RALGAPA2: variants seen among roughly 807,000 people sequenced by gnomAD.
RALGAPA2 encodes the protein Ral GTPase activating protein catalytic subunit alpha 2, also known as ral GTPase-activating protein subunit alpha-2.
A neutral mutation model predicts 230.4 loss-of-function variants in RALGAPA2; 139 were observed. The observed-to-expected ratio is 0.60, with a 90% confidence interval of 0.53 to 0.69. RALGAPA2 has a LOEUF of 0.69. RALGAPA2 is among the 30% of genes least tolerant of loss of function. The pLI is 0.00. For synonymous variants in RALGAPA2, 847 were observed against 837.8 expected (o/e 1.01, Z -0.19); for missense variants, 2,163 against 2,276.0 (o/e 0.95, Z 1.01).
At chr20:20,416,745 A>G (rs1420210426) in intron 37 of RALGAPA2, among the ~76,000 whole-genome samples, 3 of 152,222 alleles carry the variant, frequency 2.0e-5, no homozygotes, top group African/African-American at 7.2e-5. Flanking sequence ...ACTGTTGTTT[A>G]GCACTATCAA....
intron 3 of RALGAPA2, among the ~76,000 whole-genome samples, chr20:20,674,910 A>C (rs1167550627): frequency 2.6e-5 from 4 of 152,196 alleles, no homozygotes; most frequent in Admixed American, 6.5e-5. Context: ...GTGGAAGAGC[A>C]CCTAAGTAGC....
At chr20:20,692,722 A>C (rs1350482933) in intron 1 of RALGAPA2, among the ~76,000 whole-genome samples, 2 of 152,172 alleles carry the variant, frequency 1.3e-5, no homozygotes, top group African/African-American at 4.8e-5. Flanking sequence ...TTTGGATATC[A>C]TTCTATCTGG....
In RALGAPA2 at chr20:20,390,041, G is replaced by A. The variant is rs1364080802; in HGVS notation, c.*3248C>T. The A allele has an allele frequency of 6.6e-6, 1 of 152,158 alleles. No homozygotes were observed. Among genetic ancestry groups the A allele is most frequent in the Non-Finnish European group, 1.5e-5 (1 of 68,036 alleles). 9.4% of individuals were successfully genotyped at this position (152,158 alleles called of 1,614,324 possible). On this transcript the variant is annotated 3_prime_UTR_variant, in exon 40 of 40. Coordinates refer to ENST00000202677, the MANE Select transcript of RALGAPA2 (RefSeq NM_020343.4). Reference sequence around the variant, plus strand: ...TCATGTTGAATTTCCCTCGGATGCAGACGCTGCCCTTCAGTAGATATAAAG... The same window carrying A: ...TCATGTTGAATTTCCCTCGGATGCAAACGCTGCCCTTCAGTAGATATAAAG...
At chr20:20,535,712 T>C in intron 26 of RALGAPA2, 33 bp downstream of exon 26, 1 of 1,533,038 alleles carries the variant, frequency 6.5e-7, no homozygotes, top group South Asian at 1.3e-5. Context: ...ATCTTAAAAT[T>C]CTAAAATAGT....
rs193124831 is a variant in RALGAPA2, at chr20:20,637,345, G to A, written c.805+18C>T. 1.1e-4 allele frequency: 172 copies of A among 1,574,594 alleles called. No individual in the cohort carries two copies. The highest frequency in any genetic ancestry group is 7.7e-4 in the East Asian group (34 of 43,994). The stretch of plus-strand genomic sequence containing the variant: ...TTTCCTTTGGATATCCTCTATACAC[G>A]GCTCCAACAGTACTTACCAAGTACA... On this transcript the variant is annotated intron_variant, in intron 8 of 39. Coordinates refer to ENST00000202677, the MANE Select transcript of RALGAPA2 (RefSeq NM_020343.4).
intron 3 of RALGAPA2, among the ~76,000 whole-genome samples, chr20:20,668,570 C>T (rs758198657): frequency 2.6e-5 from 4 of 152,146 alleles, no homozygotes; most frequent in Non-Finnish European, 4.4e-5. Flanking sequence ...AGAGTTTTTA[C>T]ACTCTCATTA....
At chr20:20,612,992 T>A (rs1021212188) in intron 13 of RALGAPA2, among the ~76,000 whole-genome samples, 19 of 152,298 alleles carry the variant, frequency 1.2e-4, no homozygotes, top group African/African-American at 4.1e-4. Context: ...GCAACTGCTA[T>A]CAAAAGCCAC....
At chr20:20,631,262 T>A (rs1332750293) in intron 9 of RALGAPA2, among the ~76,000 whole-genome samples, 1 of 152,250 alleles carries the variant, frequency 6.6e-6, no homozygotes, top group African/African-American at 2.4e-5. Flanking sequence ...AGCAGGCATC[T>A]GAACGAAGTC....
At chr20:20,522,934 T>G (rs1451584080) in intron 30 of RALGAPA2, among the ~76,000 whole-genome samples, 6 of 152,146 alleles carry the variant, frequency 3.9e-5, no homozygotes. Flanking sequence ...ACAACAGAAG[T>G]ATCTAATGAA....
intron 27 of RALGAPA2, among the ~76,000 whole-genome samples, chr20:20,528,697 C>T (rs1230878479): frequency 6.6e-6 from 1 of 152,218 alleles, no homozygotes; most frequent in African/African-American, 2.4e-5. Context: ...CAACCAACAC[C>T]TTGCTGAGTG....
chr20:20,657,306 GC>G (rs1175148896), intron 3 of RALGAPA2, among the ~76,000 whole-genome samples: 1 of 152,190 alleles, frequency 6.6e-6, no homozygotes, highest in Non-Finnish European at 1.5e-5. Flanking sequence ...TTGTACTACT[GC>G]CTCTGGCAGT....
At chr20:20,565,383 G>A (rs2064382266) in intron 23 of RALGAPA2, among the ~76,000 whole-genome samples, 1 of 152,220 alleles carries the variant, frequency 6.6e-6, no homozygotes, top group African/African-American at 2.4e-5. Flanking sequence ...GCATGATACA[G>A]GCTGTCTGGG....
At position 20,402,508 on chromosome 20, in the gene RALGAPA2, C is replaced by T. The variant is rs146823658; in HGVS notation, c.5618-5774G>A. ...AGGGTCTTGAGGGCAGGGCGGGACA[C>T]GTGGCTGAGCTCCACGTTCTGCCTG... On this transcript the variant is annotated intron_variant, in intron 38 of 39. Coordinates refer to ENST00000202677, the MANE Select transcript of RALGAPA2 (RefSeq NM_020343.4). 6.0e-4 allele frequency among the ~76,000 whole-genome samples: 92 copies of T among 152,304 alleles called. 1 individual carries two copies. The highest frequency in any genetic ancestry group is 2.1e-3 in the African/African-American group (87 of 41,580).
chr20:20,674,017 A>T (rs969772528), intron 3 of RALGAPA2, among the ~76,000 whole-genome samples: 3 of 151,970 alleles, frequency 2.0e-5, no homozygotes, highest in Non-Finnish European at 2.9e-5. Flanking sequence ...GGGAGACCCT[A>T]TGTCTACAAC....
chr20:20,617,494 A>G (rs2066185496), intron 12 of RALGAPA2, among the ~76,000 whole-genome samples: 2 of 152,222 alleles, frequency 1.3e-5, no homozygotes, highest in African/African-American at 2.4e-5. Context: ...TTTTGAAAGT[A>G]GTATGCCACA....
intron 32 of RALGAPA2, among the ~76,000 whole-genome samples, chr20:20,511,630 C>T (rs2062707685): frequency 6.6e-6 from 1 of 152,188 alleles, no homozygotes; most frequent in Non-Finnish European, 1.5e-5. Context: ...AATCCCTTTT[C>T]CCTACCTCTG....
intron 2 of RALGAPA2, among the ~76,000 whole-genome samples, chr20:20,679,946 C>T (rs2068463430): frequency 6.6e-6 from 1 of 152,156 alleles, no homozygotes. Context: ...AGATTCAGCC[C>T]ACAGACTACA....
chr20:20,409,284 G>C (rs1236263581), intron 38 of RALGAPA2, among the ~76,000 whole-genome samples: 2 of 152,200 alleles, frequency 1.3e-5, no homozygotes, highest in South Asian at 2.1e-4. Flanking sequence ...TCTAGAAGTG[G>C]GGGCTGCATG....
chr20:20,474,161 A>G (rs1284026979), intron 36 of RALGAPA2, among the ~76,000 whole-genome samples: 1 of 152,064 alleles, frequency 6.6e-6, no homozygotes, highest in Non-Finnish European at 1.5e-5. Context: ...CATTTCAGTA[A>G]AGGCCTAAAG....
Sources: allele counts gnomAD v4.1 joint callset (sites outside exome capture counted in the v4.1 genomes callset), GRCh38; gene constraint gnomAD v4.1.1; transcripts MANE v1.5; gene names NCBI Gene and HGNC (gene_info 2026-07-23, HGNC 2026-07-21).